Variants in DPYSL5 observed in about 807,000 individuals in gnomAD.
DPYSL5 encodes dihydropyrimidinase-related protein 5.
A neutral mutation model predicts 58.4 loss-of-function variants in DPYSL5; 9 were observed. That is an observed-to-expected ratio of 0.15 (90% CI 0.09 to 0.27). DPYSL5 has a LOEUF of 0.27. Among genes scored for constraint, DPYSL5 ranks in the 10% least tolerant of loss-of-function variants. DPYSL5 has a pLI of 1.00. For synonymous variants in DPYSL5, 293 were observed against 301.9 expected, an observed-to-expected ratio of 0.97 and a Z score of 0.31; for missense variants, 499 against 770.6, an observed-to-expected ratio of 0.65 and a Z score of 4.17.
At position 26,908,345 on chromosome 2, in the gene DPYSL5, T is replaced by C. The variant is rs1231621335; in HGVS notation, c.261+9585T>C. On this transcript the variant is annotated intron_variant, in intron 2 of 12. Coordinates refer to ENST00000288699, the MANE Select transcript of DPYSL5 (RefSeq NM_020134.4). ...GTGATAAATTCTAGATAATTTTCTG[T>C]CTTCTCTCTTTCTCTTAAAGGCAGA... Among the ~76,000 whole-genome samples the C allele has an allele frequency of 2.6e-5, 4 of 152,222 alleles. No homozygotes were observed. The East Asian group carries it at 7.7e-4, about 29-fold the overall frequency.
At chr2:26,860,477 ACTAT>A (rs983169319) in intron 1 of DPYSL5, among the ~76,000 whole-genome samples, 2 of 152,218 alleles carry the variant, frequency 1.3e-5, no homozygotes, top group African/African-American at 2.4e-5. Flanking sequence ...GCAGTTTGAC[ACTAT>A]CTATCAAAAT....
intron 2 of DPYSL5, among the ~76,000 whole-genome samples, chr2:26,906,182 A>G (rs939714995): frequency 4.3e-5 from 6 of 140,640 alleles, no homozygotes; most frequent in African/African-American, 1.6e-4. Flanking sequence ...AAAAAAACCC[A>G]TATCTTTTTT....
At chr2:26,895,812 G>T (rs1182648385) in intron 1 of DPYSL5, among the ~76,000 whole-genome samples, 6 of 120,510 alleles carry the variant, frequency 5.0e-5, no homozygotes, top group African/African-American at 1.6e-4. Flanking sequence ...ATGGCGTCTC[G>T]CTGTGTCGCC....
intron 2 of DPYSL5, among the ~76,000 whole-genome samples, chr2:26,900,531 C>A (rs1486582079): frequency 6.6e-6 from 1 of 152,206 alleles, no homozygotes; most frequent in Non-Finnish European, 1.5e-5. Context: ...AACATTGTCA[C>A]TATGAACATG....
intron 1 of DPYSL5, among the ~76,000 whole-genome samples, chr2:26,897,719 G>T (rs1227040134): frequency 2.6e-5 from 4 of 152,174 alleles, no homozygotes; most frequent in East Asian, 3.8e-4. Flanking sequence ...TCTGGATGAG[G>T]TCAGTATTAA....
intron 12 of DPYSL5, among the ~76,000 whole-genome samples, chr2:26,946,709 A>C (rs1197649464): frequency 6.6e-6 from 1 of 152,214 alleles, no homozygotes; most frequent in Non-Finnish European, 1.5e-5. Context: ...GTCCAAGTCC[A>C]GGCTCTGCCA....
chr2:26,864,452 G>T (rs190622857), intron 1 of DPYSL5, among the ~76,000 whole-genome samples: 18 of 152,340 alleles, frequency 1.2e-4, no homozygotes, highest in African/African-American at 3.1e-4. Context: ...GATGGGAAAG[G>T]TGGGGAAGAT....
chr2:26,858,392 T>C (rs1217447103), intron 1 of DPYSL5, among the ~76,000 whole-genome samples: 4 of 151,950 alleles, frequency 2.6e-5, no homozygotes, highest in Non-Finnish European at 5.9e-5. Flanking sequence ...AGGATGGTCT[T>C]GATCTCCTGA....
At chr2:26,880,388 G>A (rs891587143) in intron 1 of DPYSL5, among the ~76,000 whole-genome samples, 2 of 152,238 alleles carry the variant, frequency 1.3e-5, no homozygotes, top group Admixed American at 6.5e-5. Context: ...GCCAGGGTAA[G>A]GAAGCAGAAA....
chr2:26,887,147 T>C (rs1182974811), intron 1 of DPYSL5, among the ~76,000 whole-genome samples: 2 of 152,242 alleles, frequency 1.3e-5, no homozygotes, highest in Admixed American at 6.5e-5. Flanking sequence ...GTTTTTGATA[T>C]CACAGTGACC....
intron 2 of DPYSL5, among the ~76,000 whole-genome samples, chr2:26,920,179 CTT>C (rs59629403): frequency 5.3e-5 from 8 of 151,800 alleles, no homozygotes; most frequent in South Asian, 2.1e-4. Flanking sequence ...TATTTCATTT[CTT>C]TTTTTTTAAA....
At chr2:26,887,124 AACAGTCTTGTGTGTTTTTGATATC>A (rs1411645490) in intron 1 of DPYSL5, among the ~76,000 whole-genome samples, 2 of 152,220 alleles carry the variant, frequency 1.3e-5, no homozygotes, top group African/African-American at 4.8e-5. Flanking sequence ...TTTTTGATAT[AACAGTCTTGTGTGTTTTTGATATC>A]ACAGTGACCA....
chr2:26,853,065 C>G (rs1478548132), intron 1 of DPYSL5, among the ~76,000 whole-genome samples: 1 of 152,208 alleles, frequency 6.6e-6, no homozygotes, highest in Non-Finnish European at 1.5e-5. Context: ...AACTCCCACC[C>G]TTGCAAATAG....
intron 2 of DPYSL5, among the ~76,000 whole-genome samples, chr2:26,901,272 A>G (rs1340071972): frequency 6.6e-6 from 1 of 152,060 alleles, no homozygotes; most frequent in Non-Finnish European, 1.5e-5. Context: ...GCCCTAAGAA[A>G]GATTGTAACT....
intron 1 of DPYSL5, among the ~76,000 whole-genome samples, chr2:26,886,107 C>CA (rs1663712900): frequency 6.6e-6 from 1 of 152,190 alleles, no homozygotes; most frequent in African/African-American, 2.4e-5. Context: ...GCTAGACTTT[C>CA]AGTTTCCTGT....
intron 1 of DPYSL5, among the ~76,000 whole-genome samples, chr2:26,872,427 C>G (rs1434552486): frequency 2.0e-5 from 3 of 152,188 alleles, no homozygotes; most frequent in Non-Finnish European, 2.9e-5. Flanking sequence ...CGCGGTGGCT[C>G]ACGCCTCTAA....
intron 2 of DPYSL5, among the ~76,000 whole-genome samples, chr2:26,906,979 C>T (rs1393188029): frequency 6.6e-6 from 1 of 152,054 alleles, no homozygotes; most frequent in Non-Finnish European, 1.5e-5. Flanking sequence ...GTTGCCCAGG[C>T]TGGTCTTGAA....
At chr2:26,869,794 G>T (rs149585693) in intron 1 of DPYSL5, among the ~76,000 whole-genome samples, 1 of 152,006 alleles carries the variant, frequency 6.6e-6, no homozygotes, top group Non-Finnish European at 1.5e-5. Context: ...GGCGGATCAC[G>T]AAGTCAGGAG....
intron 1 of DPYSL5, among the ~76,000 whole-genome samples, chr2:26,880,383 G>A (rs573207016): frequency 6.9e-4 from 105 of 152,306 alleles, no homozygotes; most frequent in Non-Finnish European, 1.2e-3. Context: ...CCCAGGCCAG[G>A]GTAAGGAAGC....
Sources: gnomAD v4.1 joint callset for allele counts (sites outside exome capture counted in the v4.1 genomes callset) on GRCh38, gnomAD v4.1.1 for gene constraint, MANE v1.5 for transcripts, NCBI Gene and HGNC (gene_info 2026-07-23, HGNC 2026-07-21) for gene names.